The following PRKG1 variants were observed in gnomAD, a reference collection of about 807,000 sequenced individuals.
PRKG1 encodes cGMP-dependent protein kinase 1.
PRKG1 carries 35 observed loss-of-function variants against 88.1 expected under a neutral mutation model. The ratio of observed to expected loss-of-function variants is 0.40; its 90% CI spans 0.30 to 0.53. The LOEUF is 0.53. Among genes scored for constraint, PRKG1 ranks in the 20% least tolerant of loss-of-function variants. The probability of loss-of-function intolerance (pLI) is 0.59; values close to 1 mark genes in which losing one functional copy is unlikely to be tolerated. For synonymous variants in PRKG1, 303 were observed against 292.5 expected (o/e 1.04, Z -0.37); for missense variants, 540 against 839.8 (o/e 0.64, Z 4.41).
chr10:52,135,475 G>A (rs561429640), intron 8 of PRKG1, among the ~76,000 whole-genome samples: 21 of 152,178 alleles, frequency 1.4e-4, no homozygotes, highest in African/African-American at 5.1e-4. Context: ...AGTGTAAAAC[G>A]AATTAGAGGG....
intron 5 of PRKG1, among the ~76,000 whole-genome samples, chr10:51,938,632 A>G (rs1160014978): frequency 6.6e-6 from 1 of 151,344 alleles, no homozygotes; most frequent in Non-Finnish European, 1.5e-5. Flanking sequence ...TTTCTTACTC[A>G]CCCCTCTTCC....
At chr10:51,219,897 C>T (rs1461500691) in intron 2 of PRKG1, among the ~76,000 whole-genome samples, 3 of 151,966 alleles carry the variant, frequency 2.0e-5, no homozygotes, top group Admixed American at 6.6e-5. Flanking sequence ...CCCCAAGATT[C>T]CACGTGTCCT....
chr10:51,111,428 C>T (rs1282871213), intron 1 of PRKG1, among the ~76,000 whole-genome samples: 1 of 151,968 alleles, frequency 6.6e-6, no homozygotes, highest in Non-Finnish European at 1.5e-5. Flanking sequence ...ATCCAGTTAC[C>T]CTGTTGATTT....
chr10:51,627,933 C>CCCTTCCTTT (rs1839387070), intron 3 of PRKG1, among the ~76,000 whole-genome samples: 2 of 22,690 alleles, frequency 8.8e-5, no homozygotes, highest in Non-Finnish European at 2.4e-4. Flanking sequence ...TTCCTTTCTT[C>CCCTTCCTTT]CTTCCTTCCT....
Position 51,655,443 on chromosome 10 carries a change from T to C in PRKG1, c.593-149142T>C, listed in dbSNP as rs145933136. On this transcript the variant is annotated intron_variant, in intron 3 of 17. Coordinates refer to ENST00000373980, the MANE Select transcript of PRKG1 (RefSeq NM_006258.4). ...ATTATGTACAGTGTTAGAAAATATT[T>C]GCAATACTTAATCAGAATATAGAAA... Among the ~76,000 whole-genome samples the C allele has an allele frequency of 5.9e-3, 898 of 152,204 alleles. 4 individuals are homozygous for C. Among genetic ancestry groups the C allele is most frequent in the Non-Finnish European group, 8.7e-3 (589 of 67,984 alleles).
At chr10:52,169,755 T>A (rs1838608095) in intron 9 of PRKG1, among the ~76,000 whole-genome samples, 1 of 152,212 alleles carries the variant, frequency 6.6e-6, no homozygotes, top group African/African-American at 2.4e-5. Context: ...CAGGATTCAA[T>A]GAGCTTACAC....
chr10:52,267,422 T>G (rs1453484701), intron 10 of PRKG1, among the ~76,000 whole-genome samples: 1 of 152,034 alleles, frequency 6.6e-6, no homozygotes, highest in East Asian at 1.9e-4. Flanking sequence ...AAATAGCTAT[T>G]ACAATTTAAA....
chr10:51,346,172 T>G (rs1422315690), intron 2 of PRKG1, among the ~76,000 whole-genome samples: 2 of 152,216 alleles, frequency 1.3e-5, no homozygotes, highest in African/African-American at 4.8e-5. Context: ...AAAAAAGTCG[T>G]TGATGATCAT....
intron 2 of PRKG1, among the ~76,000 whole-genome samples, chr10:51,307,637 G>A (rs552012458): frequency 2.6e-5 from 4 of 152,174 alleles, no homozygotes; most frequent in South Asian, 2.1e-4. Flanking sequence ...AGGCTGTCCC[G>A]AGTAGAGGCA....
chr10:51,559,745 A>G (rs12249090), intron 3 of PRKG1, among the ~76,000 whole-genome samples: 32,334 of 152,018 alleles, frequency 0.21, 3,699 homozygotes, highest in African/African-American at 0.26. Context: ...CAAGATAATC[A>G]TAAACAAATT....
chr10:52,268,759 A>C (rs1232958336), intron 10 of PRKG1, among the ~76,000 whole-genome samples: 1 of 152,070 alleles, frequency 6.6e-6, no homozygotes, highest in East Asian at 1.9e-4. Context: ...GATAGGAATC[A>C]TTTTTGGAAA....
intron 2 of PRKG1, among the ~76,000 whole-genome samples, chr10:51,164,511 G>GC (rs1846471847): frequency 6.6e-6 from 1 of 152,220 alleles, no homozygotes; most frequent in African/African-American, 2.4e-5. Flanking sequence ...CCAAAGGAAC[G>GC]CAGCTCCTCA....
At chr10:51,041,467 A>G (rs1843420110) in intron 1 of PRKG1, among the ~76,000 whole-genome samples, 1 of 152,194 alleles carries the variant, frequency 6.6e-6, no homozygotes, top group African/African-American at 2.4e-5. Context: ...GTCTCACCCA[A>G]GGCCCGTGGT....
At chr10:51,501,159 A>G (rs564047054) in intron 3 of PRKG1, among the ~76,000 whole-genome samples, 1 of 152,264 alleles carries the variant, frequency 6.6e-6, no homozygotes, top group Admixed American at 6.5e-5. Flanking sequence ...ATTTTTGCTT[A>G]ATATGGAATC....
chr10:51,521,897 G>A (rs563433891), intron 3 of PRKG1, among the ~76,000 whole-genome samples: 17 of 152,120 alleles, frequency 1.1e-4, no homozygotes, highest in African/African-American at 4.1e-4. Context: ...ATCCTTTAGG[G>A]CACTTTAATA....
At chr10:51,845,979 G>GT (rs1840388315) in intron 4 of PRKG1, among the ~76,000 whole-genome samples, 1 of 151,974 alleles carries the variant, frequency 6.6e-6, no homozygotes, top group Non-Finnish European at 1.5e-5. Context: ...ATTTACTATT[G>GT]TTTTTCACCT....
intron 4 of PRKG1, among the ~76,000 whole-genome samples, chr10:51,883,182 G>C (rs1841479599): frequency 6.6e-6 from 1 of 152,278 alleles, no homozygotes; most frequent in South Asian, 2.1e-4. Context: ...CTTGCTTGAG[G>C]ATTTGAACTA....
intron 4 of PRKG1, among the ~76,000 whole-genome samples, chr10:51,865,024 C>A (rs1224032339): frequency 6.6e-6 from 1 of 152,032 alleles, no homozygotes; most frequent in African/African-American, 2.4e-5. Flanking sequence ...TTGTTAAAGG[C>A]AGAACATTTA....
At chr10:51,229,943 A>AAAAAAAG (rs1838796388) in intron 2 of PRKG1, among the ~76,000 whole-genome samples, 1 of 130,732 alleles carries the variant, frequency 7.6e-6, no homozygotes, top group Non-Finnish European at 1.7e-5. Context: ...AAAAAAAAAA[A>AAAAAAAG]AAAAAGAAAA....
Sources: allele counts gnomAD v4.1 joint callset (sites outside exome capture counted in the v4.1 genomes callset), GRCh38; gene constraint gnomAD v4.1.1; transcripts MANE v1.5; gene names NCBI Gene and HGNC (gene_info 2026-07-23, HGNC 2026-07-21).